GSDME: variants seen among roughly 807,000 people sequenced by gnomAD.
GSDME encodes the protein gasdermin E.
Under a neutral mutation model 47.5 loss-of-function variants are expected in GSDME, and 44 were observed. The ratio of observed to expected loss-of-function variants is 0.93; its 90% CI spans 0.73 to 1.19. The LOEUF (loss-of-function observed/expected upper bound fraction) is 1.19, where lower values mean the gene tolerates loss of function less well. Among genes scored for constraint, GSDME ranks in the 50% most tolerant of loss-of-function variants. The pLI, the probability that GSDME is intolerant of heterozygous loss-of-function variation, is 0.00. For synonymous variants in GSDME, 258 were observed against 252.8 expected, an observed-to-expected ratio of 1.02 and a Z score of -0.20; for missense variants, 663 against 604.2, an observed-to-expected ratio of 1.10 and a Z score of -1.02.
In GSDME at chr7:24,744,902, G is replaced by C. The variant is rs899365327; in HGVS notation, c.212-148C>G. ...AAGCCGGCAGCCATGCTGTGTGTGT[G>C]GGCAAGAAAACAGGGCAGCACGTGT... On this transcript the variant is annotated intron_variant, in intron 2 of 9. Transcript: ENST00000645220. This position sits in a 1 kb window ranked among gnomAD's most constrained non-coding sequence, Gnocchi z 4.5. 2.3e-6 allele frequency: 2 copies of C among 853,914 alleles called. No individual in the cohort carries two copies. The highest frequency in any genetic ancestry group is 3.4e-5 in the African/African-American group (2 of 59,014). 52.9% of individuals were successfully genotyped at this position (853,914 alleles called of 1,614,324 possible). A position where few individuals can be genotyped will look rare whatever the true frequency, so the allele number is the denominator to read the frequency against.
the GSDME span, among the ~76,000 whole-genome samples, chr7:24,783,561 G>A: frequency 1.3e-5 from 2 of 152,188 alleles, no homozygotes; most frequent in Non-Finnish European, 2.9e-5. Flanking sequence ...ACATCACGCT[G>A]AGGTGTTTGG....
intron 8 of GSDME, chr7:24,703,413 G>A (rs1054991053): frequency 5.8e-6 from 1 of 173,814 alleles, no homozygotes; most frequent in African/African-American, 2.4e-5. Flanking sequence ...GCCAGGCTAG[G>A]GGCTGCACCA....
chr7:24,789,368 T>A, the GSDME span, among the ~76,000 whole-genome samples: 1 of 151,452 alleles, frequency 6.6e-6, no homozygotes, highest in Non-Finnish European at 1.5e-5. Context: ...GCTGGGAGCA[T>A]CGGCAGACTT....
rs1328044170 is a variant in GSDME, at chr7:24,733,678, G to A, written c.404+10884C>T. On this transcript the variant is annotated intron_variant, in intron 3 of 9. Transcript: ENST00000645220. The surrounding 1 kb of genome is among the most constrained non-coding windows in gnomAD (Gnocchi z 4.3). ...GGGCCTGTAGTGCTGGTGGACATGG[G>A]TGAGAGTCCTCTGCCTGGGGAAAGG... Among the ~76,000 whole-genome samples the A allele has an allele frequency of 6.6e-6, 1 of 152,178 alleles. No homozygotes were observed. Among genetic ancestry groups the A allele is most frequent in the Admixed American group, 6.5e-5 (1 of 15,282 alleles).
At position 24,706,380 on chromosome 7, in the gene GSDME, T is replaced by G. The variant is rs746052649; in HGVS notation, c.991-4A>C. On this transcript the variant is annotated splice_region_variant and splice_polypyrimidine_tract_variant and intron_variant, in intron 7 of 9. Coordinates refer to ENST00000645220, the MANE Select transcript of GSDME (RefSeq NM_001127453.2). Reference sequence around the variant, plus strand: ...GGCCGCTGACCAGGTCATCGCACTGTAGGGCAGGGAAGAAGAAGGGTCATG... The same window carrying G: ...GGCCGCTGACCAGGTCATCGCACTGGAGGGCAGGGAAGAAGAAGGGTCATG... 3.7e-6 allele frequency: 6 copies of G among 1,611,932 alleles called. No homozygotes were observed. Among genetic ancestry groups the G allele is most frequent in the Admixed American group, 1.7e-5 (1 of 59,964 alleles).
In GSDME at chr7:24,745,031, GT is replaced by G. The variant is rs1562713116; in HGVS notation, c.212-278del. ...TGTGTGTGTGTGTGTGTGTGTGTGT[GT>G]GTGGACCACGGGCACACAGTGGACC... On this transcript the variant is annotated intron_variant, in intron 2 of 9. Transcript: ENST00000645220. The surrounding 1 kb of genome is among the most constrained non-coding windows in gnomAD (Gnocchi z 4.4). 1.4e-3 allele frequency among the ~76,000 whole-genome samples: 188 copies of G among 135,802 alleles called. No homozygotes were observed. The highest frequency in any genetic ancestry group is 5.1e-3 in the African/African-American group (181 of 35,684). The allele number at this position is 135,802 out of a possible 152,430, so 89.1% of individuals were successfully genotyped here. A position where few individuals can be genotyped will look rare whatever the true frequency, so the allele number is the denominator to read the frequency against.
chr7:24,701,657 AT>A (rs1788875173), intron 9 of GSDME, among the ~76,000 whole-genome samples: 1 of 152,376 alleles, frequency 6.6e-6, no homozygotes, highest in Admixed American at 6.5e-5. Context: ...TACAATTAGA[AT>A]AATGGCACGT....
intron 5 of GSDME, 164 bp from the exon 6 acceptor site, chr7:24,710,552 T>G: frequency 1.5e-6 from 1 of 660,668 alleles, no homozygotes; most frequent in Non-Finnish European, 2.6e-6. Flanking sequence ...ACACACATTA[T>G]GTTGCTTGAC....
chr7:24,791,531 G>C, the GSDME span, among the ~76,000 whole-genome samples: 1 of 152,216 alleles, frequency 6.6e-6, no homozygotes, highest in African/African-American at 2.4e-5. This position sits in a 1 kb window ranked among gnomAD's most constrained non-coding sequence, Gnocchi z 4.8. Context: ...AACTTTTCAA[G>C]TGACTCTTGG....
intron 3 of GSDME, among the ~76,000 whole-genome samples, chr7:24,743,035 G>C (rs1039848808): frequency 1.3e-5 from 2 of 152,284 alleles, no homozygotes; most frequent in East Asian, 1.9e-4. Flanking sequence ...TCACAGCTTT[G>C]TGTGGTCTTG....
At position 24,706,171 on chromosome 7, in the gene GSDME, C is replaced by A; in HGVS notation, c.1183+13G>T. 4 of 1,614,184 alleles carry A rather than the reference C, an allele frequency of 2.5e-6. No individual in the cohort carries two copies. Among genetic ancestry groups the A allele is most frequent in the Non-Finnish European group, 3.4e-6 (4 of 1,180,004 alleles). Reference sequence around the variant, plus strand: ...CAGCAGCAGCCATTTCTTTCATTTTCTTTTCTCCTTACCTGCGAGGGCACT... The same window carrying A: ...CAGCAGCAGCCATTTCTTTCATTTTATTTTCTCCTTACCTGCGAGGGCACT... On this transcript the variant is annotated intron_variant, in intron 8 of 9. Transcript: ENST00000645220.
chr7:24,747,878 G>C (rs975826709), intron 2 of GSDME, among the ~76,000 whole-genome samples: 1 of 151,784 alleles, frequency 6.6e-6, no homozygotes. Context: ...ACGTTGCCCA[G>C]GCTAGCCTCA....
At chr7:24,708,839 T>C (rs748334159) in intron 6 of GSDME, among the ~76,000 whole-genome samples, 3 of 152,256 alleles carry the variant, frequency 2.0e-5, no homozygotes, top group Non-Finnish European at 2.9e-5. Flanking sequence ...CCGAAGCTAT[T>C]GCCTCTGCAG....
rs1039428015 is a variant in GSDME, at chr7:24,714,574, G to A, written c.697+2680C>T. 3.9e-5 allele frequency among the ~76,000 whole-genome samples: 6 copies of A among 152,276 alleles called. No individual in the cohort carries two copies. Among genetic ancestry groups the A allele is most frequent in the Middle Eastern group, 3.4e-3 (1 of 294 alleles). On this transcript the variant is annotated intron_variant, in intron 5 of 9. Coordinates refer to ENST00000645220, the MANE Select transcript of GSDME (RefSeq NM_001127453.2). This position sits in a 1 kb window ranked among gnomAD's most constrained non-coding sequence, Gnocchi z 5.0. ...ATCCAGAACGAGCCAAGGGAAGGCC[G>A]AGATATCCCCAGGGTACCTCTTCTC...
At chr7:24,791,282 C>G in the GSDME span, among the ~76,000 whole-genome samples, 1 of 152,216 alleles carries the variant, frequency 6.6e-6, no homozygotes, top group Non-Finnish European at 1.5e-5. This position sits in a 1 kb window ranked among gnomAD's most constrained non-coding sequence, Gnocchi z 4.8. Context: ...GCCACAAACA[C>G]CAGCCCATTG....
chr7:24,743,843 C>A (rs1283193313), intron 3 of GSDME, among the ~76,000 whole-genome samples: 1 of 152,204 alleles, frequency 6.6e-6, no homozygotes, highest in Admixed American at 6.5e-5. Flanking sequence ...CACATCCTAG[C>A]CCCTCTCACT....
rs1562687455 is a variant in GSDME at position 24,706,266 on chromosome 7, T to TA, written c.1100dup (p.Leu367PhefsTer33). Reference sequence around the variant, plus strand: ...CCTCGGGGCCCGGACACCCACCCTGTAAGCTGCACCCCACCAGCTGCAGGA... The same window carrying TA: ...CCTCGGGGCCCGGACACCCACCCTGTAAAGCTGCACCCCACCAGCTGCAGGA... On this transcript the variant is annotated frameshift_variant, in exon 8 of 10. Coordinates refer to ENST00000645220, the MANE Select transcript of GSDME (RefSeq NM_001127453.2). LOFTEE classifies it high-confidence loss of function. 3.1e-6 allele frequency: 5 copies of TA among 1,614,204 alleles called. No individual in the cohort carries two copies. Among genetic ancestry groups the TA allele is most frequent in the Non-Finnish European group, 2.5e-6 (3 of 1,180,038 alleles).
the GSDME span, among the ~76,000 whole-genome samples, chr7:24,764,124 A>T: frequency 6.6e-6 from 1 of 152,100 alleles, no homozygotes; most frequent in South Asian, 2.1e-4. The surrounding 1 kb of genome is among the most constrained non-coding windows in gnomAD (Gnocchi z 4.4). Context: ...GGGGAGTATG[A>T]GAATTGTGTA....
rs371465318 is a variant in GSDME, at chr7:24,706,157, A to G, written c.1183+27T>C. 24 of 1,613,212 alleles carry G rather than the reference A, an allele frequency of 1.5e-5. No individual in the cohort carries two copies. In the African/African-American group the frequency reaches 2.7e-4, roughly 18 times the overall value. On this transcript the variant is annotated intron_variant, in intron 8 of 9. Transcript: ENST00000645220. The stretch of plus-strand genomic sequence containing the variant: ...AAAGCATTTTAAAGCAGCAGCAGCC[A>G]TTTCTTTCATTTTCTTTTCTCCTTA...
Sources: gnomAD v4.1 joint callset for allele counts (sites outside exome capture counted in the v4.1 genomes callset) on GRCh38, gnomAD v4.1.1 for gene constraint, Gnocchi (gnomAD v3.1) non-coding constraint, MANE v1.5 for transcripts, NCBI Gene and HGNC (gene_info 2026-07-23, HGNC 2026-07-21) for gene names.